NRG3: variants seen among roughly 807,000 people sequenced by gnomAD.
NRG3 encodes pro-neuregulin-3, membrane-bound isoform.
NRG3 carries 31 observed loss-of-function variants against 66.9 expected under a neutral mutation model. The observed-to-expected ratio is 0.46, with a 90% CI of 0.35 to 0.63. The LOEUF (loss-of-function observed/expected upper bound fraction) is 0.63, where lower values mean the gene tolerates loss of function less well. NRG3 is among the 20% of genes least tolerant of loss of function. The pLI is 0.00. For synonymous variants in NRG3, 393 were observed against 359.4 expected (o/e 1.09, Z -1.06); for missense variants, 910 against 878.9 (o/e 1.04, Z -0.45).
chr10:82,045,385 A>G (rs2063231912), intron 1 of NRG3, among the ~76,000 whole-genome samples: 1 of 99,414 alleles, frequency 1.0e-5, no homozygotes, highest in Non-Finnish European at 2.3e-5. Flanking sequence ...GTGTCTGTTC[A>G]TATCCTTCGC....
chr10:82,760,592 T>G (rs914696733), intron 3 of NRG3, among the ~76,000 whole-genome samples: 8 of 151,888 alleles, frequency 5.3e-5, no homozygotes, highest in African/African-American at 1.9e-4. Flanking sequence ...AATAACAGAA[T>G]AAGAAAAAAG....
chr10:82,556,783 C>A (rs928337261), intron 2 of NRG3, among the ~76,000 whole-genome samples: 6 of 152,136 alleles, frequency 3.9e-5, no homozygotes, highest in Non-Finnish European at 8.8e-5. Context: ...CTGCTCCTCT[C>A]CCTCCTCCAA....
chr10:82,765,723 A>T (rs2059488913), intron 3 of NRG3, among the ~76,000 whole-genome samples: 1 of 152,198 alleles, frequency 6.6e-6, no homozygotes, highest in East Asian at 1.9e-4. Context: ...TGGTATCCTG[A>T]TCCAAAATGA....
chr10:82,631,531 T>C (rs1343456323), intron 2 of NRG3, among the ~76,000 whole-genome samples: 2 of 151,928 alleles, frequency 1.3e-5, no homozygotes, highest in African/African-American at 4.8e-5. Context: ...TGCCTACAGT[T>C]TCCTTCAGCT....
At chr10:82,617,612 C>A (rs561254610) in intron 2 of NRG3, among the ~76,000 whole-genome samples, 1 of 152,228 alleles carries the variant, frequency 6.6e-6, no homozygotes, top group East Asian at 1.9e-4. Flanking sequence ...AAAAGAAAAT[C>A]ACAAATTGCT....
At chr10:82,503,460 A>G (rs1844389477) in intron 2 of NRG3, among the ~76,000 whole-genome samples, 1 of 152,194 alleles carries the variant, frequency 6.6e-6, no homozygotes, top group Non-Finnish European at 1.5e-5. Context: ...TAAGGCATGT[A>G]TATCTGAAGT....
intron 1 of NRG3, among the ~76,000 whole-genome samples, chr10:81,921,089 T>G (rs1460711734): frequency 6.6e-6 from 1 of 152,088 alleles, no homozygotes; most frequent in Non-Finnish European, 1.5e-5. Context: ...TTGATTTATG[T>G]GAAATGGGAA....
chr10:82,184,123 A>C (rs2073634195), intron 1 of NRG3, among the ~76,000 whole-genome samples: 1 of 152,158 alleles, frequency 6.6e-6, no homozygotes, highest in Non-Finnish European at 1.5e-5. Flanking sequence ...TGTGGTCTGC[A>C]GAGAACCTTA....
chr10:82,646,477 G>T (rs185863719), intron 2 of NRG3, among the ~76,000 whole-genome samples: 1 of 152,210 alleles, frequency 6.6e-6, no homozygotes, highest in East Asian at 1.9e-4. Context: ...TGTTCTTTCT[G>T]CAAGTACATC....
chr10:82,650,679 T>C (rs922194288), intron 2 of NRG3, among the ~76,000 whole-genome samples: 1 of 152,222 alleles, frequency 6.6e-6, no homozygotes, highest in African/African-American at 2.4e-5. Context: ...GTTAAGTCAT[T>C]TTCCAGACAC....
intron 1 of NRG3, among the ~76,000 whole-genome samples, chr10:82,082,166 T>A (rs1334087824): frequency 6.6e-6 from 1 of 152,190 alleles, no homozygotes; most frequent in African/African-American, 2.4e-5. Flanking sequence ...GTGTACTGCT[T>A]GATTTGCTTT....
intron 2 of NRG3, among the ~76,000 whole-genome samples, chr10:82,482,198 G>T (rs1339277277): frequency 6.6e-6 from 1 of 152,024 alleles, no homozygotes; most frequent in Non-Finnish European, 1.5e-5. Flanking sequence ...TTGGGCAAAT[G>T]TAAATATACC....
intron 1 of NRG3, among the ~76,000 whole-genome samples, chr10:82,227,130 ATTC>A (rs2076204695): frequency 6.6e-6 from 1 of 152,028 alleles, no homozygotes; most frequent in African/African-American, 2.4e-5. Flanking sequence ...ATCTTTCCTT[ATTC>A]TTCTTCCTCA....
In NRG3 at chr10:82,584,060, C is replaced by T. The variant is rs532807542; in HGVS notation, c.954-154517C>T. 1.1e-4 allele frequency among the ~76,000 whole-genome samples: 16 copies of T among 152,058 alleles called. No homozygotes were observed. The East Asian group carries it at 1.5e-3, about 15-fold the overall frequency. On this transcript the variant is annotated intron_variant, in intron 2 of 8. Coordinates refer to ENST00000372141, the MANE Select transcript of NRG3 (RefSeq NM_001010848.4). Reference sequence around the variant, plus strand: ...AAGAGCCTCACAAATAAGGCAAATACGTTTTTGTTGTTGTTGATGTTTCAT... The same window carrying T: ...AAGAGCCTCACAAATAAGGCAAATATGTTTTTGTTGTTGTTGATGTTTCAT...
intron 2 of NRG3, among the ~76,000 whole-genome samples, chr10:82,384,237 A>G (rs879281798): frequency 1.3e-5 from 2 of 152,078 alleles, no homozygotes; most frequent in African/African-American, 2.4e-5. Flanking sequence ...CTAAATGCAA[A>G]ACTTGAAACT....
At chr10:82,532,137 T>G (rs574350657) in intron 2 of NRG3, among the ~76,000 whole-genome samples, 1 of 152,006 alleles carries the variant, frequency 6.6e-6, no homozygotes, top group South Asian at 2.1e-4. Flanking sequence ...TTTCTTTGTA[T>G]TAGGAACATT....
At position 82,471,395 on chromosome 10, in the gene NRG3, T is replaced by C. The variant is rs532788578; in HGVS notation, c.953+112527T>C. 1.2e-3 allele frequency among the ~76,000 whole-genome samples: 179 copies of C among 152,268 alleles called. 1 individual carries two copies. The highest frequency in any genetic ancestry group is 4.1e-3 in the African/African-American group (169 of 41,572). ...CTTGGCTGTCTCACTCTCTGTTACCTGGTTGCCTGCTGGCTGTCAACCCAC... is the reference window on the plus strand; with the variant it reads ...CTTGGCTGTCTCACTCTCTGTTACCCGGTTGCCTGCTGGCTGTCAACCCAC... On this transcript the variant is annotated intron_variant, in intron 2 of 8. Transcript: ENST00000372141.
At chr10:82,665,538 T>C (rs926288517) in intron 2 of NRG3, among the ~76,000 whole-genome samples, 2 of 152,208 alleles carry the variant, frequency 1.3e-5, no homozygotes, top group Non-Finnish European at 2.9e-5. Flanking sequence ...AAACTTTGTC[T>C]CCTCATGACT....
At chr10:82,685,756 T>G (rs2054464204) in intron 2 of NRG3, among the ~76,000 whole-genome samples, 1 of 152,212 alleles carries the variant, frequency 6.6e-6, no homozygotes. Context: ...TCTGTATATC[T>G]TTATATTATA....
Sources: allele counts gnomAD v4.1 joint callset (sites outside exome capture counted in the v4.1 genomes callset), GRCh38; gene constraint gnomAD v4.1.1; transcripts MANE v1.5; gene names NCBI Gene and HGNC (gene_info 2026-07-23, HGNC 2026-07-21).